The following PCDHA2 variants were observed in gnomAD, a reference collection of about 807,000 sequenced individuals.
The protein encoded by PCDHA2 is protocadherin alpha-2.
In PCDHA2, 58 loss-of-function variants were observed where a neutral mutation model predicts 66.0. The ratio of observed to expected loss-of-function variants is 0.88; its 90% CI spans 0.71 to 1.09. The LOEUF (loss-of-function observed/expected upper bound fraction) is 1.09, where lower values mean the gene tolerates loss of function less well. Among genes scored for constraint, PCDHA2 ranks in the 50% least tolerant of loss-of-function variants. PCDHA2 has a pLI of 0.00. For synonymous variants in PCDHA2, 634 were observed against 554.0 expected, an observed-to-expected ratio of 1.14 and a Z score of -2.03; for missense variants, 1,267 against 1,242.3, an observed-to-expected ratio of 1.02 and a Z score of -0.30.
chr5:140,966,998 C>G, intron 1 of PCDHA2: 1 of 1,604,774 alleles, frequency 6.2e-7, no homozygotes. Context: ...GGGTTGCTTG[C>G]GCATCAACCA....
At chr5:140,917,653 G>A (rs1400141765) in intron 1 of PCDHA2, among the ~76,000 whole-genome samples, 1 of 152,160 alleles carries the variant, frequency 6.6e-6, no homozygotes, top group Non-Finnish European at 1.5e-5. Flanking sequence ...GCAATATTGA[G>A]TAGGAAGTCC....
At position 140,823,444 on chromosome 5, in the gene PCDHA2, G is replaced by A. The variant is rs201739706; in HGVS notation, c.2388+26092G>A. Reference sequence around the variant, plus strand: ...GACGCTGCAGGTGTTCGTGCTGGACGAGAACGACAACGCGCCGGCGCTGCT... The same window carrying A: ...GACGCTGCAGGTGTTCGTGCTGGACAAGAACGACAACGCGCCGGCGCTGCT... On this transcript the variant is annotated intron_variant, in intron 1 of 3. Transcript: ENST00000526136. 34 of 1,613,290 alleles carry A rather than the reference G, an allele frequency of 2.1e-5. No homozygotes were observed. Among genetic ancestry groups the A allele is most frequent in the African/African-American group, 5.3e-5 (4 of 74,920 alleles).
chr5:140,874,318 T>A (rs1169216245), intron 1 of PCDHA2, among the ~76,000 whole-genome samples: 1 of 151,782 alleles, frequency 6.6e-6, no homozygotes, highest in African/African-American at 2.4e-5. Context: ...AGTTGTAGGA[T>A]CTTATCTGTT....
chr5:140,822,458 T>G, intron 1 of PCDHA2: 1 of 1,613,786 alleles, frequency 6.2e-7, no homozygotes, highest in South Asian at 1.1e-5. Context: ...GTTCAGTTGT[T>G]GATCAATGTA....
chr5:140,813,030 AT>A (rs1396274427), intron 1 of PCDHA2: 16 of 152,108 alleles, frequency 1.1e-4, no homozygotes, highest in Non-Finnish European at 2.9e-5. Context: ...ACCTTCTTGA[AT>A]TTGTTAAGAC....
At chr5:140,966,839 C>T (rs782091529) in intron 1 of PCDHA2, 14 of 1,567,058 alleles carry the variant, frequency 8.9e-6, no homozygotes, top group Non-Finnish European at 1.1e-5. Flanking sequence ...CTGGCTGCTG[C>T]TACTGCCTCT....
chr5:140,796,825 C>T lies in PCDHA2; in HGVS notation c.1861C>T (p.Pro621Ser), dbSNP rs782395206. 1 of 1,614,114 alleles carries T rather than the reference C, an allele frequency of 6.2e-7. No individual in the cohort carries two copies. The highest frequency in any genetic ancestry group is 1.1e-5 in the South Asian group (1 of 91,088). ...GCTGGGTACTGGCAGCGCTCGCATC[C>T]CGTTCCGCGTGGGGCTATACACGGG... is the stretch of plus-strand genomic sequence containing the variant. ...LQLGTGSARIPFRVGLYTGEI... is the reference protein window; with the variant it reads ...LQLGTGSARISFRVGLYTGEI... The change falls in exon 1 of 4, where the codon CCG becomes TCG. Residue 621 changes from proline (P) to serine (S), a missense_variant. Coordinates refer to ENST00000526136, the MANE Select transcript of PCDHA2 (RefSeq NM_018905.3).
In PCDHA2 at chr5:140,856,537, G is replaced by T. The variant is rs782543512; in HGVS notation, c.2388+59185G>T. 18 of 1,598,256 alleles carry T rather than the reference G, an allele frequency of 1.1e-5. 3 individuals carry two copies. The highest frequency in any genetic ancestry group is 1.5e-5 in the Non-Finnish European group (18 of 1,167,836). ...GCGCATCTGATGCGGATGTTGGAGA[G>T]AACGCATTGCTTACTTACAAACTCA... On this transcript the variant is annotated intron_variant, in intron 1 of 3. Coordinates refer to ENST00000526136, the MANE Select transcript of PCDHA2 (RefSeq NM_018905.3).
At chr5:141,004,976 A>G (rs1554259837) in intron 3 of PCDHA2, among the ~76,000 whole-genome samples, 1 of 152,248 alleles carries the variant, frequency 6.6e-6, no homozygotes, top group Non-Finnish European at 1.5e-5. Flanking sequence ...GTAAATTTGC[A>G]GTATCATTAT....
Position 140,824,370 on chromosome 5 carries a change from T to C in PCDHA2, c.2388+27018T>C, listed in dbSNP as rs1768101933. 20 of 570,032 alleles carry C rather than the reference T, an allele frequency of 3.5e-5. No homozygotes were observed. In the South Asian group the frequency reaches 4.2e-4, roughly 12 times the overall value. The allele number at this position is 570,032 out of a possible 1,614,324, so 35.3% of individuals were successfully genotyped here. On this transcript the variant is annotated intron_variant, in intron 1 of 3. Coordinates refer to ENST00000526136, the MANE Select transcript of PCDHA2 (RefSeq NM_018905.3). ...ATAATATTTTATATTAGCATTTGAA[T>C]TTTGCATCTCTAAAAATGTAGGATA...
intron 1 of PCDHA2, chr5:140,969,414 G>C: frequency 6.4e-7 from 1 of 1,566,012 alleles, no homozygotes; most frequent in Non-Finnish European, 8.7e-7. Context: ...GCTTTATTGA[G>C]TCATTAACAG....
At chr5:140,944,292 A>G (rs1330492011) in intron 1 of PCDHA2, among the ~76,000 whole-genome samples, 1 of 152,090 alleles carries the variant, frequency 6.6e-6, no homozygotes, top group Non-Finnish European at 1.5e-5. Context: ...GGCTCAAGCG[A>G]TCCTCCTACC....
At chr5:140,889,949 A>C (rs1444545834) in intron 1 of PCDHA2, among the ~76,000 whole-genome samples, 1 of 152,202 alleles carries the variant, frequency 6.6e-6, no homozygotes. Flanking sequence ...GAGAAGCCAA[A>C]TGGATAGAAA....
At chr5:140,802,168 A>G (rs1353989161) in intron 1 of PCDHA2, 1 of 1,614,126 alleles carries the variant, frequency 6.2e-7, no homozygotes, top group Non-Finnish European at 8.5e-7. Context: ...GAAGCCACGG[A>G]TAAAGGAAAT....
At chr5:140,828,193 C>T in intron 1 of PCDHA2, 1 of 1,614,094 alleles carries the variant, frequency 6.2e-7, no homozygotes, top group South Asian at 1.1e-5. Context: ...TCCACTACTC[C>T]GTACCCGAGG....
chr5:140,971,845 G>A (rs370364575), intron 1 of PCDHA2, among the ~76,000 whole-genome samples: 4 of 152,052 alleles, frequency 2.6e-5, no homozygotes, highest in Admixed American at 6.5e-5. Context: ...CAAGTCATGC[G>A]TTAAATATTT....
Position 140,801,968 on chromosome 5 carries a change from TG to T in PCDHA2, c.2388+4618del, listed in dbSNP as rs781928400. The T allele has an allele frequency of 1.9e-6, 3 of 1,614,192 alleles. No homozygotes were observed. In the East Asian group the frequency reaches 6.7e-5, roughly 36 times the overall value. On this transcript the variant is annotated intron_variant, in intron 1 of 3. Transcript: ENST00000526136. ...TCAGATTACTCGAAAATGCACCAAA[TG>T]GTACCCTAGTGGTGACCGTTAACGC...
rs782417854 is a variant in PCDHA2 at position 140,967,777 on chromosome 5, G to T, written c.2389-11172G>T. On this transcript the variant is annotated intron_variant, in intron 1 of 3. Transcript: ENST00000526136. The stretch of plus-strand genomic sequence containing the variant: ...CCTCCTACCAGATCTATGTGCAGGC[G>T]ACTGACCGGGGTCCAGTGCCCATGG... 2.5e-6 allele frequency: 4 copies of T among 1,614,186 alleles called. No individual in the cohort carries two copies. The South Asian group carries it at 4.4e-5, about 18-fold the overall frequency.
At chr5:140,837,831 T>C (rs1775280897) in intron 1 of PCDHA2, among the ~76,000 whole-genome samples, 1 of 151,530 alleles carries the variant, frequency 6.6e-6, no homozygotes, top group Admixed American at 6.6e-5. Flanking sequence ...TTGCATGTCA[T>C]TGTGCCTGGC....
Sources: gnomAD v4.1 joint callset for allele counts (sites outside exome capture counted in the v4.1 genomes callset) on GRCh38, gnomAD v4.1.1 for gene constraint, MANE v1.5 for transcripts, NCBI Gene and HGNC (gene_info 2026-07-23, HGNC 2026-07-21) for gene names.